ZNF483: variants seen among roughly 807,000 people sequenced by gnomAD.
ZNF483 encodes the protein zinc finger protein 483.
Under a neutral mutation model 28.6 loss-of-function variants are expected in ZNF483, and 9 were observed. The observed-to-expected ratio is 0.32, with a 90% CI of 0.19 to 0.55. The LOEUF is 0.55. ZNF483 is among the 20% of genes least tolerant of loss of function. The pLI, the probability that ZNF483 is intolerant of heterozygous loss-of-function variation, is 0.93. For missense variants in ZNF483, 675 were observed against 871.7 expected, an observed-to-expected ratio of 0.77 and a Z score of 2.84; for synonymous variants, 322 against 306.2, an observed-to-expected ratio of 1.05 and a Z score of -0.54.
intron 5 of ZNF483, chr9:111,570,086 C>A: frequency 1.2e-6 from 2 of 1,614,064 alleles, no homozygotes; most frequent in Non-Finnish European, 1.7e-6. Context: ...TCCGGAGCTC[C>A]TTACCTCTAA....
At chr9:111,561,113 A>AGAGAGAGAGAGC (rs1828292644) in intron 5 of ZNF483, among the ~76,000 whole-genome samples, 1 of 46,402 alleles carries the variant, frequency 2.2e-5, no homozygotes, top group Non-Finnish European at 3.9e-5. Flanking sequence ...ATATATATAG[A>AGAGAGAGAGAGC]GAGAGAGAGA....
downstream of ZNF483, chr9:111,577,899 T>G (rs77291734): frequency 0.03 from 4,497 of 152,090 alleles, 208 homozygotes; most frequent in African/African-American, 0.1. Context: ...TGGATGAAAC[T>G]TGAAAACATT....
In ZNF483 at chr9:111,555,223, G is replaced by A. The variant is rs975067051; in HGVS notation, c.*12053G>A. Among the ~76,000 whole-genome samples, 1 of 152,152 alleles carries A rather than the reference G, an allele frequency of 6.6e-6. No homozygotes were observed. The highest frequency in any genetic ancestry group is 2.4e-5 in the African/African-American group (1 of 41,420). On this transcript the variant is annotated 3_prime_UTR_variant, in exon 6 of 6. Coordinates refer to ENST00000309235, the MANE Select transcript of ZNF483 (RefSeq NM_133464.5). Reference sequence around the variant, plus strand: ...GCCTATCAAGTTCTATTTGGCAAAAGATAATGCCTCTCATTTCCTGTGGGA... The same window carrying A: ...GCCTATCAAGTTCTATTTGGCAAAAAATAATGCCTCTCATTTCCTGTGGGA...
chr9:111,566,882 T>C (rs923051545), intron 5 of ZNF483, among the ~76,000 whole-genome samples: 1 of 151,986 alleles, frequency 6.6e-6, no homozygotes, highest in African/African-American at 2.4e-5. Flanking sequence ...TGGATAAAAG[T>C]AGGATAGGAG....
intron 5 of ZNF483, among the ~76,000 whole-genome samples, chr9:111,574,010 C>G (rs1828947938): frequency 1.3e-5 from 2 of 152,192 alleles, no homozygotes. Flanking sequence ...CCCTACTGCT[C>G]CAAGAAGCAC....
intron 5 of ZNF483, among the ~76,000 whole-genome samples, chr9:111,535,516 G>A (rs1417629987): frequency 6.6e-6 from 1 of 152,314 alleles, no homozygotes; most frequent in Admixed American, 6.5e-5. Context: ...AAACATTCAT[G>A]TTAACACTGG....
intron 5 of ZNF483, among the ~76,000 whole-genome samples, chr9:111,568,615 G>A (rs907020346): frequency 3.3e-5 from 5 of 152,178 alleles, no homozygotes; most frequent in East Asian, 1.9e-4. Flanking sequence ...CTCCCTGTTC[G>A]TACACCCCCT....
At chr9:111,560,052 C>A (rs1335222499), downstream of ZNF483, among the ~76,000 whole-genome samples, 1 of 152,136 alleles carries the variant, frequency 6.6e-6, no homozygotes, top group African/African-American at 2.4e-5. Context: ...ACTGAATCTT[C>A]TGGCCGGGCA....
rs545474836 is a variant in ZNF483, at chr9:111,567,290, C to T, written c.722-9075C>T. Among the ~76,000 whole-genome samples, 7 of 152,168 alleles carry T rather than the reference C, an allele frequency of 4.6e-5. No individual in the cohort carries two copies. In the East Asian group the frequency reaches 1.4e-3, roughly 29 times the overall value. ...GCAACCTCCGCCTCCCAGGTTCAAG[C>T]GATTCTCCTGCCTCAGCCTCCCAAG... is the stretch of plus-strand genomic sequence containing the variant. On this transcript the variant is annotated intron_variant, in intron 5 of 5. Transcript: ENST00000358151.
At position 111,542,413 on chromosome 9, in the gene ZNF483, A is replaced by C; in HGVS notation, c.1478A>C (p.Lys493Thr). ...CATCATAGAACTCATAGTGGAGAGA[A>C]ACCCTTCAAATGTGATGACTGTGGG... The part of the protein sequence containing the change: ...TPHHRTHSGE[K>T]PFKCDDCGKG... The change falls in exon 6 of 6, where the codon AAA becomes ACA. Residue 493 changes from lysine (K) to threonine (T), a missense_variant. Around this residue, in one of 6 missense-constraint regions of ZNF483, gnomAD observed 525 missense variants for 581.8 expected, o/e 0.90. Transcript: ENST00000309235. The surrounding 1 kb of genome is among the most constrained non-coding windows in gnomAD (Gnocchi z 6.2). 1.9e-6 allele frequency: 3 copies of C among 1,614,180 alleles called. No individual in the cohort carries two copies. The highest frequency in any genetic ancestry group is 2.5e-6 in the Non-Finnish European group (3 of 1,180,028).
chr9:111,543,946 T>G lies in ZNF483; in HGVS notation c.*776T>G. On this transcript the variant is annotated 3_prime_UTR_variant, in exon 6 of 6. Coordinates refer to ENST00000309235, the MANE Select transcript of ZNF483 (RefSeq NM_133464.5). ...CTAGGATGCTGGACTTCTAGCTTAG[T>G]GAGAATGCAGTATACTTTTTGAAAA... 1.0e-6 allele frequency: 1 copy of G among 985,368 alleles called. No homozygotes were observed. The highest frequency in any genetic ancestry group is 1.2e-6 in the Non-Finnish European group (1 of 829,934). 61.0% of individuals were successfully genotyped at this position (985,368 alleles called of 1,614,324 possible). A position where few individuals can be genotyped will look rare whatever the true frequency, so the allele number is the denominator to read the frequency against.
intron 1 of ZNF483, among the ~76,000 whole-genome samples, chr9:111,525,808 C>T (rs1296817695): frequency 6.6e-6 from 1 of 152,066 alleles, no homozygotes; most frequent in Non-Finnish European, 1.5e-5. Context: ...GTGGTGGGCG[C>T]CTAATATTTG....
intron 5 of ZNF483, among the ~76,000 whole-genome samples, chr9:111,564,503 G>T (rs1828465485): frequency 6.6e-6 from 1 of 151,498 alleles, no homozygotes; most frequent in South Asian, 2.1e-4. Context: ...ACGGGGTCTT[G>T]CTAGGTTGCC....
At position 111,542,293 on chromosome 9, in the gene ZNF483, C is replaced by T. The variant is rs974177044; in HGVS notation, c.1358C>T (p.Ser453Leu). 3.7e-6 allele frequency: 6 copies of T among 1,614,148 alleles called. No individual in the cohort carries two copies. The highest frequency in any genetic ancestry group is 5.1e-6 in the Non-Finnish European group (6 of 1,180,016). Reference protein sequence around the residue: ...KCGKAFGYSASLTKHRRIHTG... With the variant: ...KCGKAFGYSALLTKHRRIHTG... ...GGAAAAGCCTTTGGCTATAGCGCCTCACTCACCAAACATCGGAGAATTCAC... is the reference window on the plus strand; with the variant it reads ...GGAAAAGCCTTTGGCTATAGCGCCTTACTCACCAAACATCGGAGAATTCAC... Residue 453 changes from serine (S) to leucine (L), a missense_variant, in exon 6 of 6, where the codon TCA (serine) becomes TTA (leucine). Transcript: ENST00000309235. The surrounding 1 kb of genome is among the most constrained non-coding windows in gnomAD (Gnocchi z 6.2).
downstream of ZNF483, among the ~76,000 whole-genome samples, chr9:111,557,113 A>G (rs1338459756): frequency 6.6e-6 from 1 of 152,204 alleles, no homozygotes; most frequent in African/African-American, 2.4e-5. Flanking sequence ...TCAGCTCCTC[A>G]TGCAGCATTT....
intron 3 of ZNF483, among the ~76,000 whole-genome samples, chr9:111,532,248 T>G (rs1009989100): frequency 1.3e-4 from 20 of 152,118 alleles, no homozygotes; most frequent in Admixed American, 6.6e-4. Context: ...AGTCTTTCAC[T>G]TGAGCCTGGG....
At chr9:111,531,989 A>C (rs1438629363) in intron 3 of ZNF483, among the ~76,000 whole-genome samples, 1 of 152,206 alleles carries the variant, frequency 6.6e-6, no homozygotes, top group African/African-American at 2.4e-5. Context: ...AGACAGAAAT[A>C]CATGTCCTTA....
intron 5 of ZNF483, among the ~76,000 whole-genome samples, chr9:111,568,671 G>T (rs1163509593): frequency 6.6e-6 from 1 of 152,190 alleles, no homozygotes; most frequent in African/African-American, 2.4e-5. Flanking sequence ...TTGTGGCTCA[G>T]GTGGGTATCA....
At chr9:111,561,155 GA>G (rs1460120393) in intron 5 of ZNF483, among the ~76,000 whole-genome samples, 1 of 97,192 alleles carries the variant, frequency 1.0e-5, no homozygotes, top group Admixed American at 1.0e-4. Context: ...GAGGGAGAGA[GA>G]GAGAGAGAGA....
Sources: gnomAD v4.1 joint callset for allele counts (sites outside exome capture counted in the v4.1 genomes callset) on GRCh38, gnomAD v4.1.1 for gene constraint, gnomAD v4.1.1 regional missense constraint, Gnocchi (gnomAD v3.1) non-coding constraint, MANE v1.5 for transcripts, NCBI Gene and HGNC (gene_info 2026-07-23, HGNC 2026-07-21) for gene names.